PTK2: variants seen among roughly 807,000 people sequenced by gnomAD.
PTK2 encodes the protein protein tyrosine kinase 2, also known as focal adhesion kinase 1.
Under a neutral mutation model 150.1 loss-of-function variants are expected in PTK2, and 45 were observed. That is an observed-to-expected ratio of 0.30 (90% confidence interval 0.24 to 0.38). The LOEUF (loss-of-function observed/expected upper bound fraction) is 0.38. Among genes scored for constraint, PTK2 ranks in the 10% least tolerant of loss-of-function variants. The pLI is 1.00. For synonymous variants in PTK2, 432 were observed against 449.2 expected (o/e 0.96, Z 0.48); for missense variants, 919 against 1,307.3 (o/e 0.70, Z 4.58).
exon 30 of PTK2, chr8:140,668,371 A>G (rs1456586655): frequency 3.7e-5 from 59 of 1,613,906 alleles, no homozygotes; most frequent in Non-Finnish European, 5.0e-5. Flanking sequence ...ACACCTTATC[A>G]TTCGACCGGT....
intron 1 of PTK2, among the ~76,000 whole-genome samples, chr8:140,969,477 C>T (rs116559894): frequency 8.5e-4 from 130 of 152,334 alleles, no homozygotes; most frequent in African/African-American, 3.0e-3. Context: ...GACCTCAATA[C>T]TGCTAAATCC....
intron 1 of PTK2, among the ~76,000 whole-genome samples, chr8:140,999,278 C>A (rs953690153): frequency 1.3e-5 from 2 of 152,154 alleles, no homozygotes; most frequent in African/African-American, 4.8e-5. Flanking sequence ...ATTGTCGGCT[C>A]CCTTATAAAG....
chr8:140,693,690 T>C (rs1054616307), intron 26 of PTK2, among the ~76,000 whole-genome samples: 1 of 150,910 alleles, frequency 6.6e-6, no homozygotes, highest in Non-Finnish European at 1.5e-5. Context: ...AAACACATTC[T>C]GTGCAGGGTT....
intron 26 of PTK2, among the ~76,000 whole-genome samples, chr8:140,696,897 G>C (rs376548244): frequency 6.6e-6 from 1 of 151,980 alleles, no homozygotes; most frequent in South Asian, 2.1e-4. Flanking sequence ...CAAGCAAAGA[G>C]AAAAATACAA....
intron 4 of PTK2, among the ~76,000 whole-genome samples, chr8:140,871,673 G>A (rs573053034): frequency 1.3e-5 from 2 of 152,106 alleles, no homozygotes; most frequent in Admixed American, 6.5e-5. Context: ...GATGGCATGC[G>A]CCTATGATCC....
In PTK2 at chr8:140,762,290, C is replaced by T. The variant is rs943253184; in HGVS notation, c.1235-1028G>A. ...ACAAATAGTTTAAAAATAAGTTAACCAAAAACTGAAACATCCCATATCACT... is the reference window on the plus strand; with the variant it reads ...ACAAATAGTTTAAAAATAAGTTAACTAAAAACTGAAACATCCCATATCACT... On this transcript the variant is annotated intron_variant, in intron 15 of 31. Transcript: ENST00000522684. 4 of 862,132 alleles carry T rather than the reference C, an allele frequency of 4.6e-6. No homozygotes were observed. The African/African-American group carries it at 5.6e-5, about 12-fold the overall frequency. 53.4% of individuals were successfully genotyped at this position (862,132 alleles called of 1,614,324 possible).
At chr8:140,943,949 TCAGA>T (rs774250419) in intron 1 of PTK2, among the ~76,000 whole-genome samples, 3 of 152,210 alleles carry the variant, frequency 2.0e-5, no homozygotes, top group African/African-American at 4.8e-5. Context: ...TCTTTTTTAA[TCAGA>T]CAGTTTATCA....
intron 1 of PTK2, among the ~76,000 whole-genome samples, chr8:140,930,460 T>TA (rs1361627078): frequency 6.6e-6 from 1 of 152,218 alleles, no homozygotes; most frequent in Non-Finnish European, 1.5e-5. Flanking sequence ...GGTAAAAACA[T>TA]AGACAACTGA....
chr8:140,864,319 T>C (rs1690750608), exon 5 of PTK2: 1 of 1,582,070 alleles, frequency 6.3e-7, no homozygotes, highest in Non-Finnish European at 8.6e-7. Context: ...TACCTGTTGA[T>C]AGAAGAAATT....
rs1421622043 is a variant in PTK2, at chr8:140,952,923, A to AG, written c.-121-27175dup. ...GCTCCGTTTTCTGCTAATTAAAATG[A>AG]GAAAAATGGCACCAAATAATCATTG... On this transcript the variant is annotated intron_variant, in intron 1 of 31. Transcript: ENST00000522684. 5.3e-5 allele frequency among the ~76,000 whole-genome samples: 8 copies of AG among 152,374 alleles called. No homozygotes were observed. The East Asian group carries it at 9.6e-4, about 18-fold the overall frequency.
chr8:140,859,923 T>C (rs541764929), intron 5 of PTK2, among the ~76,000 whole-genome samples: 2 of 152,240 alleles, frequency 1.3e-5, no homozygotes, highest in Non-Finnish European at 2.9e-5. Flanking sequence ...GGGCAGATTC[T>C]GCATTGAGAC....
At chr8:140,725,854 A>G (rs1423395700) in intron 22 of PTK2, among the ~76,000 whole-genome samples, 1 of 151,994 alleles carries the variant, frequency 6.6e-6, no homozygotes, top group Non-Finnish European at 1.5e-5. Context: ...CAAAAAAAAA[A>G]AAAACCCATA....
At chr8:140,979,771 A>G (rs2369409) in intron 1 of PTK2, among the ~76,000 whole-genome samples, 63,850 of 151,892 alleles carry the variant, frequency 0.42, 14,135 homozygotes, top group South Asian at 0.55. Context: ...ATGGTTTTAT[A>G]AGGGGGAGTT....
At chr8:140,849,018 A>C (rs1246187209) in intron 5 of PTK2, among the ~76,000 whole-genome samples, 1 of 152,192 alleles carries the variant, frequency 6.6e-6, no homozygotes, top group African/African-American at 2.4e-5. Context: ...CCAAATTCGC[A>C]TTGTAAAAAT....
intron 23 of PTK2, among the ~76,000 whole-genome samples, chr8:140,713,313 T>C (rs2100037809): frequency 6.6e-6 from 1 of 152,154 alleles, no homozygotes. Flanking sequence ...CAGGCTGGAG[T>C]GCAGTGGCGC....
chr8:140,733,120 G>T (rs774575896), intron 22 of PTK2, among the ~76,000 whole-genome samples: 95 of 152,320 alleles, frequency 6.2e-4, no homozygotes, highest in African/African-American at 2.2e-3. Context: ...ATGCCAGACA[G>T]ATGGGAAAAG....
intron 1 of PTK2, among the ~76,000 whole-genome samples, chr8:140,986,893 A>G (rs1220397229): frequency 6.6e-6 from 1 of 152,156 alleles, no homozygotes; most frequent in Non-Finnish European, 1.5e-5. Flanking sequence ...CATAAACCTA[A>G]AAGTAAAATC....
chr8:140,854,498 G>A (rs1281992036), intron 5 of PTK2, among the ~76,000 whole-genome samples: 5 of 152,066 alleles, frequency 3.3e-5, no homozygotes, highest in Non-Finnish European at 7.4e-5. Flanking sequence ...TTTGATTCCG[G>A]GGTAAAACAA....
chr8:140,935,250 A>G (rs916898534), intron 1 of PTK2, among the ~76,000 whole-genome samples: 1 of 152,230 alleles, frequency 6.6e-6, no homozygotes, highest in African/African-American at 2.4e-5. Flanking sequence ...GCCCCAGAGC[A>G]TATTATAGCA....
Sources: allele counts gnomAD v4.1 joint callset (sites outside exome capture counted in the v4.1 genomes callset), GRCh38; gene constraint gnomAD v4.1.1; transcripts MANE v1.5; gene names NCBI Gene and HGNC (gene_info 2026-07-23, HGNC 2026-07-21).